Variants in ARHGAP32 observed in about 807,000 individuals in gnomAD.
ARHGAP32 encodes Rho GTPase activating protein 32, also known as rho GTPase-activating protein 32.
Under a neutral mutation model 186.5 loss-of-function variants are expected in ARHGAP32, and 51 were observed. The ratio of observed to expected loss-of-function variants is 0.27; its 90% CI spans 0.22 to 0.35. The LOEUF is 0.35. Ranked by LOEUF, ARHGAP32 falls within the 10% of genes least tolerant of loss-of-function variation. The pLI, the probability that ARHGAP32 is intolerant of heterozygous loss-of-function variation, is 1.00. For missense variants in ARHGAP32, 2,186 were observed against 2,623.5 expected (o/e 0.83, Z 3.64); for synonymous variants, 950 against 964.3 (o/e 0.99, Z 0.27).
At position 128,967,350 on chromosome 11, in the gene ARHGAP32, T is replaced by C. The variant is rs1367775644; in HGVS notation, c.*1557A>G. ...AAAAGCCAGAGCAGCAACCATCCAG[T>C]AATTGGAATGCAATTCTCCTAGTGT... On this transcript the variant is annotated 3_prime_UTR_variant, in exon 23 of 23. Transcript: ENST00000682385. The C allele has an allele frequency of 6.6e-6, 1 of 152,256 alleles. No homozygotes were observed. Among genetic ancestry groups the C allele is most frequent in the Non-Finnish European group, 1.5e-5 (1 of 68,038 alleles). 9.4% of individuals were successfully genotyped at this position (152,256 alleles called of 1,614,324 possible).
chr11:129,045,821 A>G (rs1016997357), intron 10 of ARHGAP32, among the ~76,000 whole-genome samples: 1 of 152,134 alleles, frequency 6.6e-6, no homozygotes, highest in African/African-American at 2.4e-5. Flanking sequence ...CCAGGAAGAG[A>G]ATGGAAGATG....
intron 1 of ARHGAP32, among the ~76,000 whole-genome samples, chr11:129,276,678 T>C (rs553021269): frequency 5.3e-5 from 8 of 152,198 alleles, no homozygotes; most frequent in African/African-American, 1.4e-4. Context: ...CCAGGTAACA[T>C]AGGTTAGTAA....
intron 1 of ARHGAP32, among the ~76,000 whole-genome samples, chr11:129,177,171 A>T (rs1054390806): frequency 6.6e-6 from 1 of 152,176 alleles, no homozygotes; most frequent in African/African-American, 2.4e-5. Flanking sequence ...CTACGCAAAT[A>T]AACTAGAAAA....
At chr11:129,173,668 T>C (rs1461701514) in intron 1 of ARHGAP32, among the ~76,000 whole-genome samples, 1 of 152,216 alleles carries the variant, frequency 6.6e-6, no homozygotes, top group African/African-American at 2.4e-5. Context: ...GTTCAACATA[T>C]GCAAATCAAT....
intron 11 of ARHGAP32, among the ~76,000 whole-genome samples, chr11:129,004,245 C>CTTTTTTTTTTTTTTTTTTT (rs71057919): frequency 8.6e-6 from 1 of 116,366 alleles, no homozygotes; most frequent in Non-Finnish European, 1.7e-5. Flanking sequence ...CAATGCTTTC[C>CTTTTTTTTTTTTTTTTTTT]TTTTTTTTTT....
chr11:129,227,338 C>T (rs764329342), intron 1 of ARHGAP32, among the ~76,000 whole-genome samples: 28 of 150,864 alleles, frequency 1.9e-4, no homozygotes, highest in Middle Eastern at 3.2e-3. Context: ...AATGCCATAA[C>T]GGAGGAAAAA....
At chr11:129,204,521 A>G (rs1190981026) in intron 1 of ARHGAP32, among the ~76,000 whole-genome samples, 1 of 152,212 alleles carries the variant, frequency 6.6e-6, no homozygotes, top group Non-Finnish European at 1.5e-5. Flanking sequence ...AGTTGAAGAA[A>G]TAGAAATAAA....
In ARHGAP32 at chr11:128,981,831, T is replaced by C. The variant is rs1398368000; in HGVS notation, c.1632A>G (p.Leu544=). 6 of 1,601,264 alleles carry C rather than the reference T, an allele frequency of 3.7e-6. No individual in the cohort carries two copies. The Admixed American group carries it at 5.1e-5, about 13-fold the overall frequency. ...NLAIVWAPNL[L]RSKQIESACF... ...TTAATAAGTGAAATGCAAATTACCTTAACAGGTTTGGAGCCCAAACAATTG... is the reference window on the plus strand; with the variant it reads ...TTAATAAGTGAAATGCAAATTACCTCAACAGGTTTGGAGCCCAAACAATTG... The change falls in exon 16 of 23, where the codon TTA becomes TTG. Residue 544 remains leucine (L), a splice_region_variant and synonymous_variant. Coordinates refer to ENST00000682385, the MANE Select transcript of ARHGAP32 (RefSeq NM_001378024.1).
chr11:129,008,429 C>T (rs1047425715), intron 11 of ARHGAP32, among the ~76,000 whole-genome samples: 2 of 152,132 alleles, frequency 1.3e-5, no homozygotes, highest in African/African-American at 4.8e-5. Context: ...ACTAGATGGG[C>T]TATTCTACAC....
chr11:129,185,731 G>A (rs1463245572), intron 1 of ARHGAP32, among the ~76,000 whole-genome samples: 1 of 152,016 alleles, frequency 6.6e-6, no homozygotes, highest in Non-Finnish European at 1.5e-5. Flanking sequence ...GAGAGAAGGA[G>A]GAAGTTAAAG....
At chr11:129,051,682 C>T (rs756477111) in intron 10 of ARHGAP32, among the ~76,000 whole-genome samples, 1 of 150,734 alleles carries the variant, frequency 6.6e-6, no homozygotes, top group African/African-American at 2.4e-5. Flanking sequence ...ATTGGCTGGG[C>T]GTGGTGGCTC....
chr11:129,063,427 A>G (rs1940580929), intron 9 of ARHGAP32, among the ~76,000 whole-genome samples: 1 of 152,086 alleles, frequency 6.6e-6, no homozygotes, highest in African/African-American at 2.4e-5. Flanking sequence ...TTCACCTTTT[A>G]TCTGTTCTTT....
At chr11:129,164,894 A>G (rs1943602082) in intron 1 of ARHGAP32, among the ~76,000 whole-genome samples, 1 of 152,202 alleles carries the variant, frequency 6.6e-6, no homozygotes. Context: ...AATGTTGGGC[A>G]AAACATATAA....
rs750331414 is a variant in ARHGAP32, at chr11:128,970,681, G to A, written c.4532C>T (p.Thr1511Ile). 1 of 1,614,046 alleles carries A rather than the reference G, an allele frequency of 6.2e-7. No individual in the cohort carries two copies. The highest frequency in any genetic ancestry group is 1.3e-5 in the African/African-American group (1 of 74,910). ...GPDNCLHFNM[T>I]PNCQYRPQSV... Reference sequence around the variant, plus strand: ...CTGGGGACGGTACTGGCAGTTTGGAGTCATATTGAAATGCAAACAGTTATC... The same window carrying A: ...CTGGGGACGGTACTGGCAGTTTGGAATCATATTGAAATGCAAACAGTTATC... The change falls in exon 23 of 23, where the codon ACT becomes ATT. Residue 1511 changes from threonine to isoleucine, a missense_variant. Thr to Ile is a moderately conservative substitution (Grantham distance 89). This residue lies in a region of ARHGAP32 where 1,502 missense variants were observed against 1,570.0 expected (regional missense o/e 0.96). Transcript: ENST00000682385. This position sits in a 1 kb window ranked among gnomAD's most constrained non-coding sequence, Gnocchi z 5.8.
chr11:128,979,381 T>C (rs1945647626), intron 18 of ARHGAP32, among the ~76,000 whole-genome samples: 1 of 152,204 alleles, frequency 6.6e-6, no homozygotes, highest in African/African-American at 2.4e-5. Flanking sequence ...AATATCTCCT[T>C]TAAATCAGAT....
intron 6 of ARHGAP32, among the ~76,000 whole-genome samples, chr11:129,077,648 C>T (rs552635998): frequency 1.3e-5 from 2 of 152,234 alleles, no homozygotes; most frequent in South Asian, 2.1e-4. Flanking sequence ...GCAACCCTCA[C>T]CCAAGCTCAG....
At chr11:129,014,859 T>C (rs898315494) in intron 11 of ARHGAP32, among the ~76,000 whole-genome samples, 11 of 152,202 alleles carry the variant, frequency 7.2e-5, no homozygotes, top group South Asian at 2.1e-4. Flanking sequence ...TAAGGTTCTC[T>C]TATAATCTCA....
chr11:129,059,502 T>TA (rs1436674576), intron 10 of ARHGAP32, among the ~76,000 whole-genome samples: 1 of 148,248 alleles, frequency 6.7e-6, no homozygotes, highest in African/African-American at 2.5e-5. Flanking sequence ...TGCAATTTTT[T>TA]TTTTTTTTTT....
chr11:129,120,900 T>G (rs1942511976), intron 5 of ARHGAP32, among the ~76,000 whole-genome samples: 1 of 152,116 alleles, frequency 6.6e-6, no homozygotes, highest in Non-Finnish European at 1.5e-5. Context: ...ACCTACTGAT[T>G]TATACTAGAG....
Sources: gnomAD v4.1 joint callset for allele counts (sites outside exome capture counted in the v4.1 genomes callset) on GRCh38, gnomAD v4.1.1 for gene constraint, gnomAD v4.1.1 regional missense constraint, Gnocchi (gnomAD v3.1) non-coding constraint, MANE v1.5 for transcripts, NCBI Gene and HGNC (gene_info 2026-07-23, HGNC 2026-07-21) for gene names.